The following DNAJA1 variants were observed in gnomAD, a reference collection of about 807,000 sequenced individuals.
The protein encoded by DNAJA1 is dnaJ homolog subfamily A member 1.
DNAJA1 carries 26 observed loss-of-function variants against 47.6 expected under a neutral mutation model. That is an observed-to-expected ratio of 0.55 (90% CI 0.40 to 0.76). The LOEUF is 0.76. Ranked by LOEUF, DNAJA1 falls within the 30% of genes least tolerant of loss-of-function variation. The probability of loss-of-function intolerance (pLI) is 0.00; values close to 1 mark genes in which losing one functional copy is unlikely to be tolerated. For missense variants in DNAJA1, 315 were observed against 485.0 expected (o/e 0.65, Z 3.29); for synonymous variants, 165 against 158.4 (o/e 1.04, Z -0.31).
At chr9:33,028,111 CTCACTCCCCAAAGGAATTTGATGGTAGG>C (rs1838903889) in intron 3 of DNAJA1, among the ~76,000 whole-genome samples, 1 of 151,520 alleles carries the variant, frequency 6.6e-6, no homozygotes, top group Admixed American at 6.6e-5. Context: ...TTGGTGTTCC[CTCACTCCCCAAAGGAATTTGATGGTAGG>C]TACAGTGGCC....
chr9:33,031,981 C>G (rs1157258838), intron 5 of DNAJA1, among the ~76,000 whole-genome samples: 1 of 152,092 alleles, frequency 6.6e-6, no homozygotes, highest in Non-Finnish European at 1.5e-5. Flanking sequence ...AAATGTATTA[C>G]AGCAATACAC....
chr9:33,035,343 A>G (rs1345838084), intron 6 of DNAJA1, among the ~76,000 whole-genome samples: 1 of 152,174 alleles, frequency 6.6e-6, no homozygotes, highest in African/African-American at 2.4e-5. Context: ...GCCTGGGCAA[A>G]AAGAGCAAAA....
chr9:33,037,277 A>T (rs1839050686), intron 8 of DNAJA1, 162 bp downstream of exon 8: 1 of 485,514 alleles, frequency 2.1e-6, no homozygotes, highest in South Asian at 3.4e-5. Context: ...TTTTGAGAAC[A>T]GCCTGGGCAA....
At chr9:33,030,709 G>A (rs1453650299) in intron 5 of DNAJA1, 42 bp downstream of exon 5, 1 of 1,477,754 alleles carries the variant, frequency 6.8e-7, no homozygotes, top group African/African-American at 1.4e-5. Context: ...GAATGCTGTG[G>A]CAGATTTATT....
At position 33,026,881 on chromosome 9, in the gene DNAJA1, A is replaced by C; in HGVS notation, c.201A>C (p.Gly67=). Residue 67 remains glycine (G), a synonymous_variant, in exon 3 of 9, where the codon GGA becomes GGC. Coordinates refer to ENST00000330899, the MANE Select transcript of DNAJA1 (RefSeq NM_001539.4). ...AGAAAAGGGAATTATATGACAAAGGAGGAGAACAGGCAATTAAAGAGGGTG... is the reference window on the plus strand; with the variant it reads ...AGAAAAGGGAATTATATGACAAAGGCGGAGAACAGGCAATTAAAGAGGGTG... ...DAKKRELYDK[G]GEQAIKEGGA... is the part of the protein sequence containing the mutation. 1 of 1,614,194 alleles carries C rather than the reference A, an allele frequency of 6.2e-7. No homozygotes were observed. The highest frequency in any genetic ancestry group is 8.5e-7 in the Non-Finnish European group (1 of 1,180,030).
intron 4 of DNAJA1, 48 bp from the exon 5 acceptor site, chr9:33,030,392 G>C: frequency 6.5e-7 from 1 of 1,541,528 alleles, no homozygotes. Flanking sequence ...ATTTACTACT[G>C]TATACACTAC....
chr9:33,029,705 A>G (rs1035954179), intron 3 of DNAJA1, among the ~76,000 whole-genome samples, 180 bp from the exon 4 acceptor site: 3 of 152,216 alleles, frequency 2.0e-5, no homozygotes, highest in Non-Finnish European at 2.9e-5. Context: ...CTGTGATTAC[A>G]TCACAGTTTG....
At chr9:33,030,797 C>T in intron 5 of DNAJA1, 130 bp downstream of exon 5, 1 of 802,704 alleles carries the variant, frequency 1.2e-6, no homozygotes, top group Non-Finnish European at 1.9e-6. Flanking sequence ...TAACTCTTAG[C>T]AGCTTAGTAA....
At chr9:33,036,883 A>G (rs1448856815) in intron 7 of DNAJA1, 132 bp from the exon 8 acceptor site, 1 of 865,706 alleles carries the variant, frequency 1.2e-6, no homozygotes, top group African/African-American at 1.7e-5. Flanking sequence ...CATAAGTGAA[A>G]GGTAACAGGA....
At chr9:33,036,939 T>C in intron 7 of DNAJA1, 76 bp from the exon 8 acceptor site, 1 of 1,311,112 alleles carries the variant, frequency 7.6e-7, no homozygotes, top group Non-Finnish European at 1.1e-6. Flanking sequence ...GCTAGGACAG[T>C]GCTCTGTTCT....
intron 3 of DNAJA1, among the ~76,000 whole-genome samples, chr9:33,028,389 C>T (rs1357705149): frequency 2.0e-5 from 3 of 152,134 alleles, no homozygotes; most frequent in African/African-American, 7.2e-5. Flanking sequence ...ACTTTATTTC[C>T]AGTATAGTGT....
In DNAJA1 at chr9:33,038,749, C is replaced by G. The variant is rs1183207094; in HGVS notation, c.1040C>G (p.Pro347Arg). Residue 347 changes from proline (P) to arginine (R), a missense_variant, in exon 9 of 9, where the codon CCC (proline) becomes CGC (arginine). This residue lies in a region of DNAJA1 where 162 missense variants were observed against 185.4 expected (regional missense o/e 0.87). Transcript: ENST00000330899. Reference sequence around the variant, plus strand: ...CTGTCTTTGCTGGAAAAACTCCTACCCGAGAGGAAGGAAGTGGAAGAGACT... The same window carrying G: ...CTGTCTTTGCTGGAAAAACTCCTACGCGAGAGGAAGGAAGTGGAAGAGACT... ...DKLSLLEKLL[P>R]ERKEVEETDE... 1 of 1,614,050 alleles carries G rather than the reference C, an allele frequency of 6.2e-7. No homozygotes were observed. The highest frequency in any genetic ancestry group is 8.5e-7 in the Non-Finnish European group (1 of 1,180,004).
chr9:33,039,618 C>T lies in DNAJA1; in HGVS notation c.*715C>T, dbSNP rs1489247968. On this transcript the variant is annotated 3_prime_UTR_variant, in exon 9 of 9. Transcript: ENST00000330899. ...CCTTGTCTGTGGACCATGATAAGCC[C>T]AAGTAGTGACTTCAGAGCTGGGTAA... 3 of 149,434 alleles carry T rather than the reference C, an allele frequency of 2.0e-5. No homozygotes were observed. Among genetic ancestry groups the T allele is most frequent in the Non-Finnish European group, 4.5e-5 (3 of 67,028 alleles). 9.3% of individuals were successfully genotyped at this position (149,434 alleles called of 1,614,324 possible). A position where few individuals can be genotyped will look rare whatever the true frequency, so the allele number is the denominator to read the frequency against.
chr9:33,037,447 C>T (rs937026837), intron 8 of DNAJA1: 2 of 173,416 alleles, frequency 1.2e-5, no homozygotes, highest in Non-Finnish European at 2.5e-5. Flanking sequence ...TTTGGGAGGC[C>T]AAGACAGGTG....
chr9:33,038,269 G>A (rs920250558), intron 8 of DNAJA1, among the ~76,000 whole-genome samples: 2 of 152,110 alleles, frequency 1.3e-5, no homozygotes, highest in African/African-American at 4.8e-5. Flanking sequence ...GTTGGGATTT[G>A]TAATCCCAAT....
rs543537449 is a variant in DNAJA1 at position 33,028,793 on chromosome 9, C to A, written c.311-1092C>A. ...TTCCTTCCTTATACTCAACACTGTT[C>A]AAAATAAGGGCAGCTAGATTTTAGC... On this transcript the variant is annotated intron_variant, in intron 3 of 8. Coordinates refer to ENST00000330899, the MANE Select transcript of DNAJA1 (RefSeq NM_001539.4). Among the ~76,000 whole-genome samples, 3 of 152,228 alleles carry A rather than the reference C, an allele frequency of 2.0e-5. No homozygotes were observed. In the South Asian group the frequency reaches 6.2e-4, roughly 32 times the overall value.
intron 7 of DNAJA1, 110 bp from the exon 8 acceptor site, chr9:33,036,905 C>T (rs1349207641): frequency 2.3e-5 from 23 of 1,019,834 alleles, no homozygotes; most frequent in East Asian, 5.0e-5. Flanking sequence ...TGCTTTGCCA[C>T]GTAAGTTTTA....
intron 8 of DNAJA1, 194 bp downstream of exon 8, chr9:33,037,309 T>TAA (rs754159369): frequency 3.3e-4 from 102 of 308,526 alleles, no homozygotes; most frequent in South Asian, 4.1e-4. Flanking sequence ...CCTGTCTCTT[T>TAA]AAAAAAACAA....
chr9:33,028,623 T>C (rs1180295068), intron 3 of DNAJA1, among the ~76,000 whole-genome samples: 1 of 152,238 alleles, frequency 6.6e-6, no homozygotes, highest in African/African-American at 2.4e-5. Flanking sequence ...TTAGAATTTG[T>C]CCACAAAAAA....
Sources: allele counts gnomAD v4.1 joint callset (sites outside exome capture counted in the v4.1 genomes callset), GRCh38; gene constraint gnomAD v4.1.1; regional missense constraint gnomAD v4.1.1; transcripts MANE v1.5; gene names NCBI Gene and HGNC (gene_info 2026-07-23, HGNC 2026-07-21).